Variants in KIAA1217 observed in about 807,000 individuals in gnomAD.
KIAA1217 encodes KIAA1217.
In KIAA1217, 88 loss-of-function variants were observed where a neutral mutation model predicts 163.9. The ratio of observed to expected loss-of-function variants is 0.54; its 90% CI spans 0.45 to 0.64. The LOEUF (loss-of-function observed/expected upper bound fraction) is 0.64. Ranked by LOEUF, KIAA1217 falls within the 30% of genes least tolerant of loss-of-function variation. The pLI is 0.00. For synonymous variants in KIAA1217, 903 were observed against 923.1 expected (o/e 0.98, Z 0.39); for missense variants, 2,372 against 2,475.0 (o/e 0.96, Z 0.88).
At chr10:24,073,040 C>A (rs1220001113) in intron 2 of KIAA1217, among the ~76,000 whole-genome samples, 2 of 142,560 alleles carry the variant, frequency 1.4e-5, no homozygotes, top group Admixed American at 1.4e-4. Context: ...GCCTGGGAAA[C>A]AGAATGAGAC....
At chr10:23,708,286 T>C (rs906326066) in intron 1 of KIAA1217, among the ~76,000 whole-genome samples, 7 of 152,188 alleles carry the variant, frequency 4.6e-5, no homozygotes, top group Non-Finnish European at 8.8e-5. Flanking sequence ...TTATGGGAGC[T>C]GCAATTCAAG....
intron 2 of KIAA1217, among the ~76,000 whole-genome samples, chr10:24,319,277 G>A (rs146707014): frequency 1.9e-3 from 280 of 150,764 alleles, no homozygotes; most frequent in African/African-American, 5.9e-3. Flanking sequence ...TCAGGAGGCT[G>A]AGGCATGAGA....
intron 6 of KIAA1217, among the ~76,000 whole-genome samples, chr10:24,475,576 A>G (rs1260821986): frequency 6.6e-6 from 1 of 152,250 alleles, no homozygotes; most frequent in Non-Finnish European, 1.5e-5. Flanking sequence ...CTAGAATAAC[A>G]ACAACAGTGA....
intron 3 of KIAA1217, among the ~76,000 whole-genome samples, chr10:24,396,679 A>G (rs1267570874): frequency 6.6e-6 from 1 of 152,214 alleles, no homozygotes; most frequent in Non-Finnish European, 1.5e-5. Flanking sequence ...GCAGAGGAAC[A>G]GTCAATGCAA....
intron 1 of KIAA1217, among the ~76,000 whole-genome samples, chr10:23,759,639 A>G (rs1167483873): frequency 6.6e-6 from 1 of 152,210 alleles, no homozygotes; most frequent in Non-Finnish European, 1.5e-5. Flanking sequence ...AAGTAGCTTT[A>G]TTCTGTAGAA....
At chr10:24,290,918 G>C (rs1264488088) in intron 2 of KIAA1217, among the ~76,000 whole-genome samples, 1 of 152,096 alleles carries the variant, frequency 6.6e-6, no homozygotes, top group African/African-American at 2.4e-5. Context: ...TCTCTCTTAA[G>C]ACCTTTTATT....
At chr10:24,449,927 A>C (rs1440052388) in intron 5 of KIAA1217, among the ~76,000 whole-genome samples, 3 of 152,094 alleles carry the variant, frequency 2.0e-5, no homozygotes, top group African/African-American at 7.2e-5. Context: ...CTAGAAGAAA[A>C]CCTCTCTTTG....
intron 2 of KIAA1217, among the ~76,000 whole-genome samples, chr10:24,324,369 C>T (rs1470576320): frequency 6.6e-6 from 1 of 152,112 alleles, no homozygotes; most frequent in African/African-American, 2.4e-5. Flanking sequence ...GAGTTTAAGA[C>T]CAGCCTGTCC....
At chr10:24,471,576 CA>C (rs999486606) in intron 5 of KIAA1217, among the ~76,000 whole-genome samples, 6 of 150,998 alleles carry the variant, frequency 4.0e-5, no homozygotes, top group Admixed American at 3.3e-4. Flanking sequence ...CCCCCACACA[CA>C]GTAAAAAAAA....
intron 2 of KIAA1217, among the ~76,000 whole-genome samples, chr10:24,277,659 T>G (rs189925692): frequency 1.3e-3 from 196 of 152,344 alleles, no homozygotes; most frequent in African/African-American, 4.6e-3. Flanking sequence ...GGGCACTCAT[T>G]CTTCTCCTTG....
chr10:24,021,424 A>G (rs1847727638), intron 2 of KIAA1217, among the ~76,000 whole-genome samples: 1 of 151,982 alleles, frequency 6.6e-6, no homozygotes. Context: ...CTGAAAAATT[A>G]TAAACTCAAA....
chr10:24,340,912 A>T (rs1215577455), intron 2 of KIAA1217, among the ~76,000 whole-genome samples: 1 of 152,240 alleles, frequency 6.6e-6, no homozygotes, highest in Non-Finnish European at 1.5e-5. Context: ...GGATGGGAAT[A>T]TTCTTTGAAT....
rs370261661 is a variant in KIAA1217, at chr10:23,790,352, T to C, written c.-321+95118T>C. On this transcript the variant is annotated intron_variant, in intron 1 of 18. Coordinates refer to the KIAA1217 transcript ENST00000376462. ...GCATATATGCATATATACATATGCA[T>C]ATATGCATATATACATATACATATG... 8.2e-3 allele frequency among the ~76,000 whole-genome samples: 305 copies of C among 37,032 alleles called. 55 individuals are homozygous for C. Among genetic ancestry groups the C allele is most frequent in the Non-Finnish European group, 0.012 (226 of 18,116 alleles). The allele number at this position is 37,032 out of a possible 152,430, so 24.3% of individuals were successfully genotyped here.
intron 2 of KIAA1217, among the ~76,000 whole-genome samples, chr10:24,312,389 C>G (rs220374): frequency 0.79 from 120,591 of 152,096 alleles, 47,790 homozygotes; most frequent in South Asian, 0.8. Context: ...GCCAAGGCGG[C>G]CGAATCACCT....
chr10:23,696,979 A>C (rs1384040986), intron 1 of KIAA1217, among the ~76,000 whole-genome samples: 2 of 152,246 alleles, frequency 1.3e-5, no homozygotes, highest in African/African-American at 4.8e-5. Context: ...GAATTGGAGA[A>C]GGCAAGAGGG....
At chr10:24,438,992 C>A (rs1468643575) in intron 5 of KIAA1217, among the ~76,000 whole-genome samples, 1 of 152,174 alleles carries the variant, frequency 6.6e-6, no homozygotes, top group East Asian at 1.9e-4. Context: ...TTAAATATTA[C>A]CATATCCTCT....
intron 3 of KIAA1217, among the ~76,000 whole-genome samples, chr10:24,425,712 A>T (rs12573766): frequency 0.097 from 14,708 of 152,198 alleles, 711 homozygotes; most frequent in East Asian, 0.15. Flanking sequence ...TTGAGTGTCT[A>T]GGTAAGGATG....
At chr10:23,711,735 C>A (rs1220684336) in intron 1 of KIAA1217, among the ~76,000 whole-genome samples, 1 of 152,166 alleles carries the variant, frequency 6.6e-6, no homozygotes, top group Non-Finnish European at 1.5e-5. Flanking sequence ...TGGTCCAGTT[C>A]ATGTCAAGCT....
intron 1 of KIAA1217, among the ~76,000 whole-genome samples, chr10:24,000,199 T>C (rs189786152): frequency 2.1e-4 from 32 of 152,356 alleles, no homozygotes; most frequent in Admixed American, 2.1e-3. Flanking sequence ...ACTAGCGATA[T>C]GGTTTGGTTG....
Sources: allele counts gnomAD v4.1 joint callset (sites outside exome capture counted in the v4.1 genomes callset), GRCh38; gene constraint gnomAD v4.1.1; transcripts MANE v1.5; gene names NCBI Gene and HGNC (gene_info 2026-07-23, HGNC 2026-07-21).